Variants in CFH observed in about 807,000 individuals in gnomAD.
CFH encodes the protein complement factor H, also known as H factor 1 (complement).
CFH carries 53 observed loss-of-function variants against 147.3 expected under a neutral mutation model. That is an observed-to-expected ratio of 0.36 (90% CI 0.29 to 0.45). The LOEUF is 0.45. Among genes scored for constraint, CFH ranks in the 20% least tolerant of loss-of-function variants. The pLI, the probability that CFH is intolerant of heterozygous loss-of-function variation, is 1.00. For missense variants in CFH, 1,380 were observed against 1,498.0 expected, an observed-to-expected ratio of 0.92 and a Z score of 1.30; for synonymous variants, 536 against 489.4, an observed-to-expected ratio of 1.10 and a Z score of -1.26.
chr1:196,654,212 C>A (rs535452857), intron 1 of CFH, among the ~76,000 whole-genome samples: 1 of 152,176 alleles, frequency 6.6e-6, no homozygotes, highest in Non-Finnish European at 1.5e-5. Flanking sequence ...CTTTATTCAA[C>A]AGCATAACAT....
intron 9 of CFH, 44 bp from the exon 10 acceptor site, chr1:196,713,691 T>C: frequency 1.7e-6 from 2 of 1,211,358 alleles, no homozygotes; most frequent in Non-Finnish European, 2.4e-6. Flanking sequence ...TATAAAATGT[T>C]ATTGATCATA....
At chr1:196,699,682 T>G (rs1487549958) in intron 9 of CFH, among the ~76,000 whole-genome samples, 1 of 152,214 alleles carries the variant, frequency 6.6e-6, no homozygotes, top group African/African-American at 2.4e-5. Context: ...ATGAGGAATA[T>G]GTAGAGGGTT....
intron 1 of CFH, among the ~76,000 whole-genome samples, chr1:196,659,399 G>T (rs748147572): frequency 1.3e-5 from 2 of 152,286 alleles, no homozygotes; most frequent in East Asian, 1.9e-4. Context: ...GCCTGGGAAG[G>T]TTCTTGGTTT....
intron 7 of CFH, among the ~76,000 whole-genome samples, chr1:196,686,363 A>T (rs939756621): frequency 1.5e-4 from 23 of 152,226 alleles, no homozygotes; most frequent in Middle Eastern, 3.4e-3. Flanking sequence ...AAGGACTCCA[A>T]GTCTTAGTCA....
chr1:196,714,006 T>C, intron 10 of CFH, 89 bp downstream of exon 10: 1 of 1,209,528 alleles, frequency 8.3e-7, no homozygotes, highest in Non-Finnish European at 1.2e-6. Context: ...TGATATAATT[T>C]CATTTGAAAA....
intron 4 of CFH, 133 bp from the exon 5 acceptor site, chr1:196,677,343 A>G: frequency 1.3e-6 from 1 of 765,948 alleles, no homozygotes; most frequent in Non-Finnish European, 2.2e-6. Flanking sequence ...GCAAACAGGT[A>G]TATCAAATGC....
At chr1:196,675,720 A>G (rs957567917) in intron 3 of CFH, among the ~76,000 whole-genome samples, 5 of 152,242 alleles carry the variant, frequency 3.3e-5, no homozygotes, top group Admixed American at 6.6e-5. Context: ...AAGGAGAGAA[A>G]GATAAAGGGA....
chr1:196,691,270 T>C (rs1280789429), intron 9 of CFH, among the ~76,000 whole-genome samples: 1 of 152,104 alleles, frequency 6.6e-6, no homozygotes. Flanking sequence ...AGCAGTGATA[T>C]GACATTTTTA....
intron 3 of CFH, among the ~76,000 whole-genome samples, chr1:196,675,274 C>G (rs1667417097): frequency 6.6e-6 from 1 of 152,072 alleles, no homozygotes; most frequent in Admixed American, 6.6e-5. Context: ...AAAGGGCAGG[C>G]TTGATGGGTT....
chr1:196,690,375 T>G (rs760187320), intron 9 of CFH, 136 bp downstream of exon 9: 1 of 1,311,464 alleles, frequency 7.6e-7, no homozygotes, highest in Non-Finnish European at 1.1e-6. Flanking sequence ...ATTTAGTTTT[T>G]GGTTTTTCAA....
At chr1:196,694,113 C>G (rs1668164698) in intron 9 of CFH, among the ~76,000 whole-genome samples, 1 of 151,630 alleles carries the variant, frequency 6.6e-6, no homozygotes, top group Non-Finnish European at 1.5e-5. Flanking sequence ...GGTTGTAAGC[C>G]TTGCATGAAT....
rs373970939 is a variant in CFH at position 196,652,603 on chromosome 1, T to A, written c.58+428T>A. ...GATTTATTTCAAATATGATTTTAAC[T>A]CTTCCTAAATAAAAATTCATTTATC... On this transcript the variant is annotated intron_variant, in intron 1 of 21. Coordinates refer to ENST00000367429, the MANE Select transcript of CFH (RefSeq NM_000186.4). 3.9e-5 allele frequency among the ~76,000 whole-genome samples: 6 copies of A among 151,992 alleles called. No homozygotes were observed. The South Asian group carries it at 6.2e-4, about 16-fold the overall frequency.
chr1:196,716,292 G>A (rs916778436), intron 11 of CFH, among the ~76,000 whole-genome samples: 6 of 152,078 alleles, frequency 3.9e-5, no homozygotes, highest in African/African-American at 1.4e-4. Flanking sequence ...AGTATATGCA[G>A]AGTGTTCCAA....
chr1:196,652,341 C>T (rs1224447301), intron 1 of CFH, among the ~76,000 whole-genome samples, 166 bp downstream of exon 1: 1 of 151,660 alleles, frequency 6.6e-6, no homozygotes, highest in Non-Finnish European at 1.5e-5. Flanking sequence ...ATGTAAGAAC[C>T]TTATTTGAAT....
intron 9 of CFH, among the ~76,000 whole-genome samples, chr1:196,699,097 A>T (rs1422803331): frequency 6.6e-6 from 1 of 152,220 alleles, no homozygotes; most frequent in Non-Finnish European, 1.5e-5. Context: ...AGCAAATATC[A>T]TACTAAATAT....
At chr1:196,696,409 C>G (rs1233997131) in intron 9 of CFH, among the ~76,000 whole-genome samples, 2 of 152,050 alleles carry the variant, frequency 1.3e-5, no homozygotes, top group African/African-American at 4.8e-5. Flanking sequence ...TCCTTGAAAC[C>G]AATGAGAAGA....
chr1:196,714,527 G>C (rs1668799026), intron 10 of CFH, among the ~76,000 whole-genome samples: 1 of 147,324 alleles, frequency 6.8e-6, no homozygotes. Context: ...ACACTATCTA[G>C]ATATTTATGA....
intron 9 of CFH, among the ~76,000 whole-genome samples, chr1:196,691,828 A>G (rs1181162493): frequency 6.6e-6 from 1 of 152,072 alleles, no homozygotes; most frequent in Non-Finnish European, 1.5e-5. Flanking sequence ...TCAAAAACAT[A>G]GAGCCACTAT....
At chr1:196,721,114 C>A (rs1292193635) in intron 11 of CFH, among the ~76,000 whole-genome samples, 3 of 151,574 alleles carry the variant, frequency 2.0e-5, no homozygotes, top group African/African-American at 7.3e-5. Context: ...TGCAAAATAT[C>A]TCTTCATATC....
Sources: allele counts gnomAD v4.1 joint callset (sites outside exome capture counted in the v4.1 genomes callset), GRCh38; gene constraint gnomAD v4.1.1; transcripts MANE v1.5; gene names NCBI Gene and HGNC (gene_info 2026-07-23, HGNC 2026-07-21).